SLC67A1: variants seen among roughly 807,000 people sequenced by gnomAD.
SLC67A1 encodes the protein solute carrier family 67 member A1.
the SLC67A1 span, among the ~76,000 whole-genome samples, chr11:2,904,702 C>T: frequency 1.3e-5 from 2 of 152,208 alleles, no homozygotes; most frequent in African/African-American, 4.8e-5. Flanking sequence ...GTGTAAAAAT[C>T]CTCAACAGCC....
the SLC67A1 span, among the ~76,000 whole-genome samples, chr11:2,915,597 TC>T: frequency 6.6e-6 from 1 of 152,198 alleles, no homozygotes; most frequent in East Asian, 1.9e-4. Context: ...GGGGCCAGAT[TC>T]TAGCCAGCTG....
At chr11:2,908,401 G>A in the SLC67A1 span, 1 of 1,194,730 alleles carries the variant, frequency 8.4e-7, no homozygotes, top group South Asian at 1.4e-5. Flanking sequence ...CATGGGCTCA[G>A]ACGGGCCAGG....
the SLC67A1 span, chr11:2,919,489 C>CAGCCTCCGCCGG: frequency 1.9e-6 from 2 of 1,032,322 alleles, no homozygotes; most frequent in Non-Finnish European, 3.0e-6. Context: ...GGCTCCTCCC[C>CAGCCTCCGCCGG]GGCGGAGGCT....
the SLC67A1 span, chr11:2,909,947 G>A: frequency 4.3e-6 from 2 of 467,298 alleles, no homozygotes; most frequent in East Asian, 3.8e-5. Flanking sequence ...CGACTGGACT[G>A]CCAAGCTGTC....
the SLC67A1 span, chr11:2,899,700 A>G: frequency 2.0e-6 from 3 of 1,505,334 alleles, no homozygotes; most frequent in Non-Finnish European, 2.7e-6. Flanking sequence ...AAGTTCCCCC[A>G]TTCACACTGA....
At chr11:2,918,177 C>G in the SLC67A1 span, 1 of 1,053,196 alleles carries the variant, frequency 9.5e-7, no homozygotes, top group Non-Finnish European at 1.4e-6. Flanking sequence ...TTCCTCTGGC[C>G]TGTGCCCCAC....
At chr11:2,916,020 A>AG in the SLC67A1 span, 1 of 152,244 alleles carries the variant, frequency 6.6e-6, no homozygotes, top group South Asian at 2.1e-4. Flanking sequence ...AAGCAGCCTG[A>AG]GGGGCACCTC....
At chr11:2,917,942 A>G in the SLC67A1 span, 1 of 1,497,198 alleles carries the variant, frequency 6.7e-7, no homozygotes, top group Non-Finnish European at 9.2e-7. Flanking sequence ...AGGGGTGGGC[A>G]TTGGGACAAT....
chr11:2,916,707 G>A, the SLC67A1 span: 2 of 1,613,200 alleles, frequency 1.2e-6, no homozygotes, highest in Non-Finnish European at 1.7e-6. Context: ...CAGCACCAAA[G>A]GGGCCAAAAC....
chr11:2,916,722 G>A, the SLC67A1 span: 43 of 1,612,886 alleles, frequency 2.7e-5, no homozygotes, highest in East Asian at 8.9e-5. Flanking sequence ...CAAAACTGAC[G>A]CCCAGGCTCC....
chr11:2,917,538 C>T, the SLC67A1 span, among the ~76,000 whole-genome samples: 26 of 152,320 alleles, frequency 1.7e-4, no homozygotes, highest in African/African-American at 5.5e-4. Flanking sequence ...CAGGCCACGG[C>T]GGTGACTTGT....
At chr11:2,909,375 G>A in the SLC67A1 span, 10 of 1,512,396 alleles carry the variant, frequency 6.6e-6, no homozygotes, top group East Asian at 2.6e-5. Flanking sequence ...GGGGGGACTG[G>A]AGTCCAGGTG....
At chr11:2,903,504 C>A in the SLC67A1 span, 156 of 1,612,640 alleles carry the variant, frequency 9.7e-5, no homozygotes, top group Non-Finnish European at 1.3e-4. Flanking sequence ...GTAACACACC[C>A]CAGCCCCTGC....
the SLC67A1 span, chr11:2,916,259 C>T: frequency 4.4e-6 from 1 of 228,292 alleles, no homozygotes; most frequent in East Asian, 9.5e-5. Context: ...GCACACCAGG[C>T]TTGCCCTTTG....
At chr11:2,922,480 C>T in the SLC67A1 span, 2 of 1,612,672 alleles carry the variant, frequency 1.2e-6, no homozygotes, top group Non-Finnish European at 1.7e-6. Context: ...TGGTGCCCGG[C>T]CTGGTGTTCA....
the SLC67A1 span, chr11:2,919,514 C>T: frequency 1.3e-6 from 1 of 799,154 alleles, no homozygotes; most frequent in South Asian, 1.6e-5. Context: ...AGCCCTTGGC[C>T]TCCCATCTGG....
chr11:2,909,177 C>A, the SLC67A1 span: 2 of 1,492,452 alleles, frequency 1.3e-6, no homozygotes, highest in Non-Finnish European at 8.9e-7. Context: ...GAGGGTCCGA[C>A]CCGCCCCTCG....
At chr11:2,924,114 C>G in the SLC67A1 span, among the ~76,000 whole-genome samples, 1 of 152,224 alleles carries the variant, frequency 6.6e-6, no homozygotes, top group African/African-American at 2.4e-5. The surrounding 1 kb of genome is among the most constrained non-coding windows in gnomAD (Gnocchi z 8.6). Flanking sequence ...GTGCTGCCCC[C>G]CTTGTTGCCC....
the SLC67A1 span, among the ~76,000 whole-genome samples, chr11:2,913,859 A>G: frequency 6.6e-6 from 1 of 152,128 alleles, no homozygotes; most frequent in South Asian, 2.1e-4. Context: ...ACCGTAGAAC[A>G]CACAGAAGCC....
Sources: allele counts gnomAD v4.1 joint callset (sites outside exome capture counted in the v4.1 genomes callset), GRCh38; gene constraint gnomAD v4.1.1; non-coding constraint Gnocchi (gnomAD v3.1); transcripts MANE v1.5; gene names NCBI Gene and HGNC (gene_info 2026-07-23, HGNC 2026-07-21).